CPXM2: variants seen among roughly 807,000 people sequenced by gnomAD.
CPXM2 encodes the protein carboxypeptidase X, M14 family member 2.
A neutral mutation model predicts 86.1 loss-of-function variants in CPXM2; 66 were observed. That is an observed-to-expected ratio of 0.77 (90% CI 0.63 to 0.94). The LOEUF (loss-of-function observed/expected upper bound fraction) is 0.94. Among genes scored for constraint, CPXM2 ranks in the 40% least tolerant of loss-of-function variants. The pLI is 0.00. For missense variants in CPXM2, 948 were observed against 1,026.3 expected (o/e 0.92, Z 1.04); for synonymous variants, 388 against 400.2 (o/e 0.97, Z 0.36).
At chr10:123,876,231 C>A (rs1944985236) in intron 2 of CPXM2, among the ~76,000 whole-genome samples, 2 of 152,184 alleles carry the variant, frequency 1.3e-5, no homozygotes, top group Admixed American at 6.5e-5. Context: ...ATATGTAGAG[C>A]ACCTGTTCTG....
chr10:123,846,392 C>A (rs552600823), intron 3 of CPXM2, among the ~76,000 whole-genome samples: 1 of 152,112 alleles, frequency 6.6e-6, no homozygotes, highest in Non-Finnish European at 1.5e-5. Context: ...GTAGGGTTTG[C>A]GCTCCTTTGA....
intron 10 of CPXM2, among the ~76,000 whole-genome samples, chr10:123,762,397 G>C (rs1038644090): frequency 6.6e-6 from 1 of 152,168 alleles, no homozygotes; most frequent in African/African-American, 2.4e-5. Flanking sequence ...ACCTTGGGGA[G>C]GGGGGAATAA....
chr10:123,755,745 T>C (rs1229394483), intron 12 of CPXM2, among the ~76,000 whole-genome samples: 1 of 152,204 alleles, frequency 6.6e-6, no homozygotes, highest in Non-Finnish European at 1.5e-5. Flanking sequence ...TGTAGAATGA[T>C]GTGCCAATCC....
At chr10:123,890,700 T>C (rs1945251963) in intron 1 of CPXM2, among the ~76,000 whole-genome samples, 1 of 152,066 alleles carries the variant, frequency 6.6e-6, no homozygotes, top group Admixed American at 6.5e-5. Flanking sequence ...AAACTGAAGA[T>C]GGATTTGAGA....
At chr10:123,928,875 C>T (rs368719995) in intron 2 of CPXM2, among the ~76,000 whole-genome samples, 2 of 151,272 alleles carry the variant, frequency 1.3e-5, no homozygotes, top group Non-Finnish European at 2.9e-5. Flanking sequence ...AATCCATGGC[C>T]GTTGAAAAAT....
At chr10:123,847,169 T>C (rs909715521) in intron 3 of CPXM2, among the ~76,000 whole-genome samples, 3 of 152,142 alleles carry the variant, frequency 2.0e-5, no homozygotes, top group Non-Finnish European at 4.4e-5. Flanking sequence ...AGAATAGGGA[T>C]CTAAAACATC....
At chr10:123,896,217 C>G (rs1273944033), upstream of CPXM2, among the ~76,000 whole-genome samples, 1 of 152,176 alleles carries the variant, frequency 6.6e-6, no homozygotes, top group African/African-American at 2.4e-5. Flanking sequence ...CCCTGAGACT[C>G]TTACACTTTC....
intron 4 of CPXM2, among the ~76,000 whole-genome samples, chr10:123,830,872 CTGTGTGTGTG>C (rs34599295): frequency 0.13 from 18,029 of 142,790 alleles, 1,177 homozygotes; most frequent in East Asian, 0.25. Flanking sequence ...CTCTCTCTCT[CTGTGTGTGTG>C]TGTGTGTGTG....
chr10:123,891,919 G>C (rs994008942), upstream of CPXM2: 3 of 151,932 alleles, frequency 2.0e-5, no homozygotes, highest in East Asian at 5.8e-4. The surrounding 1 kb of genome is among the most constrained non-coding windows in gnomAD (Gnocchi z 5.6). Context: ...TCCCTTTCCC[G>C]GCGACCCCTC....
At chr10:123,816,910 A>G (rs992600556) in intron 4 of CPXM2, among the ~76,000 whole-genome samples, 1 of 152,252 alleles carries the variant, frequency 6.6e-6, no homozygotes, top group African/African-American at 2.4e-5. Context: ...GACGTAGCAA[A>G]CACACTGGAC....
chr10:123,866,418 C>A (rs1264138845), intron 2 of CPXM2, among the ~76,000 whole-genome samples: 1 of 151,876 alleles, frequency 6.6e-6, no homozygotes, highest in Non-Finnish European at 1.5e-5. Context: ...TACAAAAAAT[C>A]AGCCAGGTGT....
In CPXM2 at chr10:123,856,984, A is replaced by C. The variant is rs1172976316; in HGVS notation, c.513+5630T>G. ...TGTCCGTAGTTGCTCCCAGAATGGA[A>C]GAAACCAGTGACTGTTTCTAAATGA... On this transcript the variant is annotated intron_variant, in intron 3 of 13. Transcript: ENST00000241305. Among the ~76,000 whole-genome samples the C allele has an allele frequency of 2.0e-5, 3 of 152,336 alleles. No individual in the cohort carries two copies. The East Asian group carries it at 5.8e-4, about 29-fold the overall frequency.
At chr10:123,761,008 G>A (rs540602949) in intron 11 of CPXM2, among the ~76,000 whole-genome samples, 1 of 152,224 alleles carries the variant, frequency 6.6e-6, no homozygotes, top group Non-Finnish European at 1.5e-5. Flanking sequence ...GGGTCCTGCA[G>A]TCAATGCAGA....
intron 6 of CPXM2, among the ~76,000 whole-genome samples, chr10:123,789,872 A>T (rs1038063330): frequency 2.8e-4 from 42 of 152,234 alleles, no homozygotes; most frequent in Non-Finnish European, 3.2e-4. Context: ...TAATCCCAGC[A>T]CTTTGGGAGG....
At chr10:123,819,777 A>C (rs781130863) in intron 4 of CPXM2, among the ~76,000 whole-genome samples, 1 of 152,178 alleles carries the variant, frequency 6.6e-6, no homozygotes, top group Non-Finnish European at 1.5e-5. Flanking sequence ...TATGGGTTCA[A>C]ATTGACAAGA....
At chr10:123,862,847 G>A (rs1264907542) in intron 2 of CPXM2, 124 bp from the exon 3 acceptor site, 10 of 760,154 alleles carry the variant, frequency 1.3e-5, no homozygotes, top group Non-Finnish European at 2.3e-5. Flanking sequence ...GGCATGCCTG[G>A]TCTTTCCAGA....
chr10:123,920,872 G>A (rs990125120), intron 2 of CPXM2, among the ~76,000 whole-genome samples: 2 of 152,116 alleles, frequency 1.3e-5, no homozygotes, highest in Non-Finnish European at 2.9e-5. Context: ...TCACATGCAC[G>A]ACTTTGCCCT....
chr10:123,924,606 C>G (rs1945607921), intron 2 of CPXM2, among the ~76,000 whole-genome samples: 1 of 152,202 alleles, frequency 6.6e-6, no homozygotes, highest in African/African-American at 2.4e-5. Context: ...CCCAGAAGCT[C>G]TCTGATTTTT....
chr10:123,767,733 A>G (rs1007880917), intron 9 of CPXM2, among the ~76,000 whole-genome samples: 2 of 152,236 alleles, frequency 1.3e-5, no homozygotes, highest in African/African-American at 4.8e-5. Context: ...CTATTTATAC[A>G]TAATTCTGTA....
Sources: allele counts gnomAD v4.1 joint callset (sites outside exome capture counted in the v4.1 genomes callset), GRCh38; gene constraint gnomAD v4.1.1; non-coding constraint Gnocchi (gnomAD v3.1); transcripts MANE v1.5; gene names NCBI Gene and HGNC (gene_info 2026-07-23, HGNC 2026-07-21).